The following MED27 variants were observed in gnomAD, a reference collection of about 807,000 sequenced individuals.
The protein encoded by MED27 is mediator complex subunit 27.
Under a neutral mutation model 38.2 loss-of-function variants are expected in MED27, and 30 were observed. The observed-to-expected ratio is 0.79, with a 90% CI of 0.59 to 1.07. The LOEUF is 1.07. Among genes scored for constraint, MED27 ranks in the 50% least tolerant of loss-of-function variants. MED27 has a pLI of 0.00. For synonymous variants in MED27, 122 were observed against 153.5 expected (o/e 0.79, Z 1.52); for missense variants, 289 against 397.5 (o/e 0.73, Z 2.32).
intron 3 of MED27, among the ~76,000 whole-genome samples, chr9:131,959,333 T>A (rs1831167209): frequency 6.6e-6 from 1 of 152,210 alleles, no homozygotes. Context: ...CACTAAGTGG[T>A]CAGTTATATG....
chr9:131,887,167 A>T (rs566951548), intron 5 of MED27, among the ~76,000 whole-genome samples: 218 of 152,372 alleles, frequency 1.4e-3, no homozygotes, highest in African/African-American at 5.1e-3. Flanking sequence ...AAACATATTT[A>T]AAAATCCTTC....
At chr9:131,931,798 G>A (rs1830592918) in intron 4 of MED27, among the ~76,000 whole-genome samples, 1 of 152,096 alleles carries the variant, frequency 6.6e-6, no homozygotes, top group Non-Finnish European at 1.5e-5. Context: ...AATTCAGCAA[G>A]AGAATATCAC....
intron 4 of MED27, among the ~76,000 whole-genome samples, chr9:131,920,962 G>A (rs1830379819): frequency 6.6e-6 from 1 of 152,136 alleles, no homozygotes; most frequent in Admixed American, 6.5e-5. Flanking sequence ...GCAGTGGGGA[G>A]GCCAGGCAGG....
At chr9:131,962,175 A>G (rs1831230281) in intron 3 of MED27, among the ~76,000 whole-genome samples, 1 of 152,172 alleles carries the variant, frequency 6.6e-6, no homozygotes, top group Non-Finnish European at 1.5e-5. Flanking sequence ...GAACCAATAA[A>G]CTCTTCCAAA....
intron 2 of MED27, among the ~76,000 whole-genome samples, chr9:132,023,731 C>A (rs901320985): frequency 6.6e-6 from 1 of 151,770 alleles, no homozygotes; most frequent in Non-Finnish European, 1.5e-5. Context: ...GAAACTCACA[C>A]GGAAGGAGAC....
chr9:131,883,598 T>A lies in MED27; in HGVS notation c.723+460A>T, dbSNP rs566453374. On this transcript the variant is annotated intron_variant, in intron 6 of 7. Transcript: ENST00000292035. The surrounding 1 kb of genome is among the most constrained non-coding windows in gnomAD (Gnocchi z 4.2). ...CCTTGGCCCATCCCTTGGGCACCAG[T>A]GGAGACCGCTAGGGCTCTGAGAAAC... is the stretch of plus-strand genomic sequence containing the variant. Among the ~76,000 whole-genome samples, 1 of 152,278 alleles carries A rather than the reference T, an allele frequency of 6.6e-6. No individual in the cohort carries two copies.
At chr9:131,941,188 G>A (rs1317988594) in intron 3 of MED27, among the ~76,000 whole-genome samples, 7 of 152,120 alleles carry the variant, frequency 4.6e-5, no homozygotes, top group Admixed American at 4.6e-4. Flanking sequence ...TATAATAGCT[G>A]ACATGTAAAA....
intron 3 of MED27, among the ~76,000 whole-genome samples, chr9:131,943,756 A>G (rs907878324): frequency 1.3e-5 from 2 of 152,182 alleles, no homozygotes; most frequent in African/African-American, 4.8e-5. Context: ...ACTTGGAAAG[A>G]CTGCTGTTCC....
chr9:132,063,476 AT>A (rs1488910968), intron 2 of MED27, among the ~76,000 whole-genome samples: 1 of 152,206 alleles, frequency 6.6e-6, no homozygotes, highest in Non-Finnish European at 1.5e-5. Context: ...TTGGCCGAGG[AT>A]TCCAACCAAC....
In MED27 at chr9:131,997,316, G is replaced by A. The variant is rs1832111756; in HGVS notation, c.479+17021C>T. ...GGAAGAACCTGCTGTCTGGCTACAG[G>A]ACAGCGATCGACATACAGCCTCCAG... On this transcript the variant is annotated intron_variant, in intron 3 of 7. Coordinates refer to ENST00000292035, the MANE Select transcript of MED27 (RefSeq NM_004269.4). This position sits in a 1 kb window ranked among gnomAD's most constrained non-coding sequence, Gnocchi z 4.0. Among the ~76,000 whole-genome samples the A allele has an allele frequency of 6.6e-6, 1 of 152,142 alleles. No individual in the cohort carries two copies. The highest frequency in any genetic ancestry group is 1.5e-5 in the Non-Finnish European group (1 of 68,014).
chr9:132,043,107 C>G (rs546350366), intron 2 of MED27, among the ~76,000 whole-genome samples: 3 of 151,956 alleles, frequency 2.0e-5, no homozygotes, highest in East Asian at 3.9e-4. Flanking sequence ...TAGTTAAAAC[C>G]AATAAAGTTA....
chr9:132,020,859 G>GA (rs1267812044), intron 2 of MED27, among the ~76,000 whole-genome samples: 1 of 151,936 alleles, frequency 6.6e-6, no homozygotes, highest in Non-Finnish European at 1.5e-5. Context: ...CAATAGTTTA[G>GA]AAAAAAACAC....
At chr9:132,048,083 T>C (rs1362943210) in intron 2 of MED27, among the ~76,000 whole-genome samples, 2 of 152,208 alleles carry the variant, frequency 1.3e-5, no homozygotes, top group African/African-American at 2.4e-5. Context: ...AGATTATAGA[T>C]AACTTTTTTC....
At chr9:132,029,123 A>G (rs975962511) in intron 2 of MED27, among the ~76,000 whole-genome samples, 4 of 152,180 alleles carry the variant, frequency 2.6e-5, no homozygotes, top group Non-Finnish European at 1.5e-5. Flanking sequence ...TCCAACTCCT[A>G]TCAAAAATCT....
chr9:132,011,029 A>T (rs1362967269), intron 3 of MED27, among the ~76,000 whole-genome samples: 1 of 152,194 alleles, frequency 6.6e-6, no homozygotes, highest in Non-Finnish European at 1.5e-5. Flanking sequence ...CTTAAAGTAT[A>T]ATAAAAAAAT....
chr9:132,024,702 C>T (rs1832781266), intron 2 of MED27, among the ~76,000 whole-genome samples: 1 of 152,208 alleles, frequency 6.6e-6, no homozygotes, highest in African/African-American at 2.4e-5. Flanking sequence ...TACCTCTTGG[C>T]ATCATCAAAT....
Position 131,913,757 on chromosome 9 carries a change from G to C in MED27, c.574-19765C>G, listed in dbSNP as rs1194493531. Among the ~76,000 whole-genome samples the C allele has an allele frequency of 6.6e-6, 1 of 152,136 alleles. No individual in the cohort carries two copies. Among genetic ancestry groups the C allele is most frequent in the Non-Finnish European group, 1.5e-5 (1 of 68,022 alleles). On this transcript the variant is annotated intron_variant, in intron 4 of 7. Coordinates refer to ENST00000292035, the MANE Select transcript of MED27 (RefSeq NM_004269.4). The surrounding 1 kb of genome is among the most constrained non-coding windows in gnomAD (Gnocchi z 4.5). ...CCATCTGAACCAGATACCCGAGCCTGCCTCCCGCTTTACCCCATCAATTCT... is the reference window on the plus strand; with the variant it reads ...CCATCTGAACCAGATACCCGAGCCTCCCTCCCGCTTTACCCCATCAATTCT...
intron 3 of MED27, among the ~76,000 whole-genome samples, chr9:131,951,155 A>T (rs750790422): frequency 6.6e-6 from 1 of 152,040 alleles, no homozygotes; most frequent in Non-Finnish European, 1.5e-5. Context: ...TCATCCCCCA[A>T]CCTCTTAAGT....
intron 4 of MED27, among the ~76,000 whole-genome samples, chr9:131,926,946 TAATAG>T (rs747618264): frequency 5.9e-5 from 9 of 152,224 alleles, no homozygotes; most frequent in Non-Finnish European, 1.0e-4. Context: ...TTTTTCTACC[TAATAG>T]ATCAGTCAAA....
Sources: gnomAD v4.1 joint callset for allele counts (sites outside exome capture counted in the v4.1 genomes callset) on GRCh38, gnomAD v4.1.1 for gene constraint, Gnocchi (gnomAD v3.1) non-coding constraint, MANE v1.5 for transcripts, NCBI Gene and HGNC (gene_info 2026-07-23, HGNC 2026-07-21) for gene names.